The following METTL24 variants were observed in gnomAD, a reference collection of about 807,000 sequenced individuals.
METTL24 encodes the protein probable methyltransferase-like protein 24.
METTL24 carries 29 observed loss-of-function variants against 32.7 expected under a neutral mutation model. The ratio of observed to expected loss-of-function variants is 0.89; its 90% CI spans 0.66 to 1.21. The LOEUF (loss-of-function observed/expected upper bound fraction) is 1.21. METTL24 is among the 50% of genes most tolerant of loss of function. METTL24 has a pLI of 0.00. For synonymous variants in METTL24, 163 were observed against 179.5 expected (o/e 0.91, Z 0.73); for missense variants, 439 against 468.1 (o/e 0.94, Z 0.57).
intron 1 of METTL24, among the ~76,000 whole-genome samples, chr6:110,339,920 A>G: frequency 6.6e-6 from 1 of 152,232 alleles, no homozygotes; most frequent in Non-Finnish European, 1.5e-5. Context: ...CTGGAGGAAT[A>G]CGAACATAAA....
chr6:110,333,024 T>C (rs1259373351), intron 1 of METTL24, among the ~76,000 whole-genome samples: 3 of 152,136 alleles, frequency 2.0e-5, no homozygotes, highest in African/African-American at 7.2e-5. Context: ...TGTCTGTCTC[T>C]CTCACACACC....
chr6:110,257,265 T>G (rs1174735270), intron 4 of METTL24, among the ~76,000 whole-genome samples: 1 of 152,170 alleles, frequency 6.6e-6, no homozygotes, highest in Non-Finnish European at 1.5e-5. Context: ...CCAAATGGCA[T>G]TCAGTTTTTT....
In METTL24 at chr6:110,322,770, C is replaced by T. The variant is rs1342338908; in HGVS notation, c.417+4G>A. ...CTCTAACTTCTTTGAGCCTGAAACA[C>T]AACCTGGGTGGTGCTGATATATCTC... On this transcript the variant is annotated splice_donor_region_variant and intron_variant, in intron 2 of 4. Coordinates refer to ENST00000338882, the MANE Select transcript of METTL24 (RefSeq NM_001123364.3). 5 of 1,610,320 alleles carry T rather than the reference C, an allele frequency of 3.1e-6. No individual in the cohort carries two copies. Among genetic ancestry groups the T allele is most frequent in the Non-Finnish European group, 4.2e-6 (5 of 1,177,670 alleles).
chr6:110,302,728 C>T (rs1771556228), intron 3 of METTL24, among the ~76,000 whole-genome samples: 1 of 151,328 alleles, frequency 6.6e-6, no homozygotes, highest in Non-Finnish European at 1.5e-5. Context: ...ATTAAATTAG[C>T]CACATACAAT....
At chr6:110,276,216 T>A (rs1418236979) in intron 4 of METTL24, among the ~76,000 whole-genome samples, 3 of 152,178 alleles carry the variant, frequency 2.0e-5, no homozygotes, top group Non-Finnish European at 1.5e-5. Flanking sequence ...AAGGATTGCA[T>A]AAGGCCAGGA....
Position 110,245,734 on chromosome 6 carries a change from G to A in METTL24, c.*212C>T, listed in dbSNP as rs73765685. Reference sequence around the variant, plus strand: ...AAGTTAAGGTGAAGGAAGAGTCTGGGCAAATAGGGGTGACTGTGTTTATCC... The same window carrying A: ...AAGTTAAGGTGAAGGAAGAGTCTGGACAAATAGGGGTGACTGTGTTTATCC... On this transcript the variant is annotated 3_prime_UTR_variant, in exon 5 of 5. Coordinates refer to ENST00000338882, the MANE Select transcript of METTL24 (RefSeq NM_001123364.3). Among the ~76,000 whole-genome samples, 10,787 of 152,196 alleles carry A rather than the reference G, an allele frequency of 0.071. 563 individuals carry two copies. The highest frequency in any genetic ancestry group is 0.16 in the African/African-American group (6,574 of 41,486).
At chr6:110,352,125 A>T (rs534904528) in intron 1 of METTL24, among the ~76,000 whole-genome samples, 1 of 152,344 alleles carries the variant, frequency 6.6e-6, no homozygotes, top group Non-Finnish European at 1.5e-5. Context: ...GTATCCAGCT[A>T]CAGCCTTAGG....
At chr6:110,333,183 A>G (rs1000402646) in intron 1 of METTL24, among the ~76,000 whole-genome samples, 10 of 152,116 alleles carry the variant, frequency 6.6e-5, no homozygotes, top group African/African-American at 2.2e-4. Flanking sequence ...CCTTCCCCCA[A>G]ACATTTACCA....
At chr6:110,306,279 CAT>C (rs1182153699) in intron 3 of METTL24, among the ~76,000 whole-genome samples, 1 of 151,752 alleles carries the variant, frequency 6.6e-6, no homozygotes, top group Non-Finnish European at 1.5e-5. Context: ...ATGTTCTGCA[CAT>C]GTGTCCCAGA....
At chr6:110,313,057 G>A (rs981270844) in intron 3 of METTL24, among the ~76,000 whole-genome samples, 2 of 152,238 alleles carry the variant, frequency 1.3e-5, no homozygotes, top group African/African-American at 4.8e-5. Context: ...GCCCTATGGA[G>A]AGGACATCCC....
At chr6:110,321,123 G>A (rs1445657837) in intron 2 of METTL24, among the ~76,000 whole-genome samples, 1 of 152,114 alleles carries the variant, frequency 6.6e-6, no homozygotes, top group Non-Finnish European at 1.5e-5. Flanking sequence ...TGTAATCCCA[G>A]CTACTCGGGA....
At chr6:110,277,980 C>G (rs1771075839) in intron 4 of METTL24, among the ~76,000 whole-genome samples, 1 of 152,018 alleles carries the variant, frequency 6.6e-6, no homozygotes, top group South Asian at 2.1e-4. Context: ...TCAAATTTTG[C>G]CTGTTATAAG....
rs73763012 is a variant in METTL24, at chr6:110,286,534, C to T, written c.786+12388G>A. Among the ~76,000 whole-genome samples, 1,166 of 152,256 alleles carry T rather than the reference C, an allele frequency of 7.7e-3. 9 individuals are homozygous for T. The highest frequency in any genetic ancestry group is 0.027 in the African/African-American group (1,110 of 41,526). The stretch of plus-strand genomic sequence containing the variant: ...CCCATTCTAACATGAGAGTCTAAGC[C>T]GCACACAGTCGTACAGCTGGGAGTG... On this transcript the variant is annotated intron_variant, in intron 4 of 4. Coordinates refer to ENST00000338882, the MANE Select transcript of METTL24 (RefSeq NM_001123364.3).
intron 4 of METTL24, among the ~76,000 whole-genome samples, chr6:110,268,313 T>C (rs1770895251): frequency 6.6e-6 from 1 of 152,086 alleles, no homozygotes; most frequent in South Asian, 2.1e-4. Flanking sequence ...TATTAAGTGG[T>C]GGAATCAGGA....
chr6:110,311,473 T>G (rs1289054344), intron 3 of METTL24, among the ~76,000 whole-genome samples: 8 of 135,630 alleles, frequency 5.9e-5, no homozygotes, highest in South Asian at 4.9e-4. Flanking sequence ...TCTTTGTTTT[T>G]TTTTTTTTTT....
At chr6:110,322,009 T>A (rs183983305) in intron 2 of METTL24, among the ~76,000 whole-genome samples, 1 of 152,128 alleles carries the variant, frequency 6.6e-6, no homozygotes, top group African/African-American at 2.4e-5. Flanking sequence ...GAGCTGCTAA[T>A]TTGCTAGCAC....
intron 4 of METTL24, among the ~76,000 whole-genome samples, chr6:110,272,053 G>A (rs1770966685): frequency 6.6e-6 from 1 of 152,052 alleles, no homozygotes; most frequent in Non-Finnish European, 1.5e-5. Context: ...ACACGGATAA[G>A]TTCTTTAGTG....
At chr6:110,259,654 G>A (rs546001706) in intron 4 of METTL24, among the ~76,000 whole-genome samples, 32 of 152,300 alleles carry the variant, frequency 2.1e-4, no homozygotes, top group Admixed American at 5.9e-4. Context: ...ATCTGAGAAC[G>A]GACAGACTGC....
chr6:110,291,584 T>C (rs997775817), intron 4 of METTL24, among the ~76,000 whole-genome samples: 7 of 152,210 alleles, frequency 4.6e-5, no homozygotes, highest in Admixed American at 1.3e-4. Context: ...ATGTGCAGGT[T>C]TGTTATATAG....
Sources: allele counts gnomAD v4.1 joint callset (sites outside exome capture counted in the v4.1 genomes callset), GRCh38; gene constraint gnomAD v4.1.1; transcripts MANE v1.5; gene names NCBI Gene and HGNC (gene_info 2026-07-23, HGNC 2026-07-21).